The following CNTN6 variants were observed in gnomAD, a reference collection of about 807,000 sequenced individuals.
CNTN6 encodes contactin-6.
In CNTN6, 137 loss-of-function variants were observed where a neutral mutation model predicts 122.8. The ratio of observed to expected loss-of-function variants is 1.12; its 90% CI spans 0.97 to 1.29. The LOEUF is 1.29. CNTN6 is among the 50% of genes most tolerant of loss of function. The pLI is 0.00. For synonymous variants in CNTN6, 570 were observed against 426.0 expected, an observed-to-expected ratio of 1.34 and a Z score of -4.16; for missense variants, 1,634 against 1,223.4, an observed-to-expected ratio of 1.34 and a Z score of -5.01.
At chr3:1,153,321 G>C (rs936073081) in intron 2 of CNTN6, among the ~76,000 whole-genome samples, 1 of 152,172 alleles carries the variant, frequency 6.6e-6, no homozygotes, top group Non-Finnish European at 1.5e-5. Flanking sequence ...TATGCCAACA[G>C]GGCCTAATGA....
intron 10 of CNTN6, among the ~76,000 whole-genome samples, chr3:1,327,909 TAAAA>T (rs140171072): frequency 6.6e-6 from 1 of 151,702 alleles, no homozygotes; most frequent in African/African-American, 2.4e-5. Context: ...TAAAAAGTAA[TAAAA>T]AAATCACAAT....
At chr3:1,316,717 T>C (rs1700146273) in intron 7 of CNTN6, among the ~76,000 whole-genome samples, 4 of 150,468 alleles carry the variant, frequency 2.7e-5, no homozygotes, top group Non-Finnish European at 4.5e-5. Flanking sequence ...TAGTAAACCT[T>C]ATTGTAATTG....
At chr3:1,219,385 G>C (rs1357955543) in intron 2 of CNTN6, among the ~76,000 whole-genome samples, 1 of 152,202 alleles carries the variant, frequency 6.6e-6, no homozygotes, top group Non-Finnish European at 1.5e-5. Flanking sequence ...TCCAGTGAAG[G>C]AGGAGAGGAT....
chr3:1,282,764 C>T (rs1317332361), intron 5 of CNTN6, among the ~76,000 whole-genome samples: 1 of 152,128 alleles, frequency 6.6e-6, no homozygotes, highest in Non-Finnish European at 1.5e-5. Flanking sequence ...CACATCTTTC[C>T]AACAATCTCC....
At position 1,377,104 on chromosome 3, in the gene CNTN6, G is replaced by C. The variant is rs1353651848; in HGVS notation, c.2166+29G>C. ...ATTTTCTGTCCAACTGAGTTATTTTGAAGAAAAGAGATTTAACTGGCCAGA... is the reference window on the plus strand; with the variant it reads ...ATTTTCTGTCCAACTGAGTTATTTTCAAGAAAAGAGATTTAACTGGCCAGA... On this transcript the variant is annotated intron_variant, in intron 17 of 22. Transcript: ENST00000446702. The C allele has an allele frequency of 2.7e-6, 4 of 1,473,948 alleles. No individual in the cohort carries two copies. The African/African-American group carries it at 5.6e-5, about 21-fold the overall frequency. 91.3% of individuals were successfully genotyped at this position (1,473,948 alleles called of 1,614,324 possible).
chr3:1,097,422 C>A (rs1368823935), intron 1 of CNTN6, among the ~76,000 whole-genome samples: 1 of 152,090 alleles, frequency 6.6e-6, no homozygotes, highest in East Asian at 1.9e-4. Context: ...TATTTCAAAT[C>A]CTTAAAAGAG....
chr3:1,348,087 T>G (rs904460669), intron 11 of CNTN6, among the ~76,000 whole-genome samples: 1 of 144,844 alleles, frequency 6.9e-6, no homozygotes, highest in Non-Finnish European at 1.5e-5. Flanking sequence ...CTAAGCATTT[T>G]GAACGATTTA....
At position 1,212,517 on chromosome 3, in the gene CNTN6, ATG is replaced by A. The variant is rs555661502; in HGVS notation, c.56-8162_56-8161del. On this transcript the variant is annotated intron_variant, in intron 2 of 22. Coordinates refer to ENST00000446702, the MANE Select transcript of CNTN6 (RefSeq NM_001289080.2). Reference sequence around the variant, plus strand: ...TATACATGTGTGTATATATATACATATGTGTGTGTATATATATACACACACAC... The same window carrying A: ...TATACATGTGTGTATATATATACATATGTGTGTATATATATACACACACAC... Among the ~76,000 whole-genome samples the A allele has an allele frequency of 3.4e-3, 511 of 151,258 alleles. 4 individuals are homozygous for A. The highest frequency in any genetic ancestry group is 0.011 in the African/African-American group (445 of 41,254).
chr3:1,313,877 A>G (rs1699742284), intron 7 of CNTN6, among the ~76,000 whole-genome samples: 1 of 152,022 alleles, frequency 6.6e-6, no homozygotes, highest in African/African-American at 2.4e-5. Context: ...TGGTTCATCT[A>G]GCTGTGTCCT....
chr3:1,327,843 A>G (rs1045897280), intron 10 of CNTN6, among the ~76,000 whole-genome samples: 2 of 151,872 alleles, frequency 1.3e-5, no homozygotes, highest in Admixed American at 6.6e-5. Context: ...TGATTCTAGC[A>G]TGAATTTTTG....
chr3:1,234,880 T>C (rs1039634077), intron 4 of CNTN6, among the ~76,000 whole-genome samples: 17 of 152,180 alleles, frequency 1.1e-4, no homozygotes, highest in Non-Finnish European at 1.9e-4. Flanking sequence ...CCAATTGTTA[T>C]CATATCAAGG....
chr3:1,252,396 T>C (rs1173367331), intron 4 of CNTN6, among the ~76,000 whole-genome samples: 7 of 152,226 alleles, frequency 4.6e-5, no homozygotes, highest in African/African-American at 1.7e-4. Context: ...ATTTAGAAAA[T>C]AAGGAAAAGC....
intron 5 of CNTN6, among the ~76,000 whole-genome samples, chr3:1,281,567 GGATT>G (rs1693445742): frequency 6.6e-6 from 1 of 151,360 alleles, no homozygotes; most frequent in South Asian, 2.1e-4. Flanking sequence ...CAGATTCAAG[GGATT>G]CTCCTGCCTC....
chr3:1,324,937 G>T (rs575368496), intron 8 of CNTN6, among the ~76,000 whole-genome samples: 1 of 140,360 alleles, frequency 7.1e-6, no homozygotes, highest in Non-Finnish European at 1.5e-5. Flanking sequence ...TAAAGCATCT[G>T]GCTTGCCACA....
intron 5 of CNTN6, among the ~76,000 whole-genome samples, chr3:1,285,553 A>C (rs886832205): frequency 6.6e-6 from 1 of 152,220 alleles, no homozygotes; most frequent in South Asian, 2.1e-4. Context: ...CTTACTATGT[A>C]CTAGGCACTA....
chr3:1,401,441 C>G lies in CNTN6; in HGVS notation c.2713C>G (p.Gln905Glu). ...TGATTATCTCTTTAAAGCTCCAAGC[C>G]AACCACCAGCAAACATTGCCTGGAA... ...NVTTKKSPPSQPPANIAWKLT... is the reference protein window; with the variant it reads ...NVTTKKSPPSEPPANIAWKLT... Residue 905 changes from glutamine to glutamate, a missense_variant, in exon 21 of 23, where the codon CAA becomes GAA. Physicochemically the swap from Gln to Glu is conservative, Grantham distance 29 (BLOSUM62 2). Transcript: ENST00000446702. The G allele has an allele frequency of 2.5e-6, 4 of 1,611,490 alleles. No individual in the cohort carries two copies. Among genetic ancestry groups the G allele is most frequent in the East Asian group, 2.2e-5 (1 of 44,798 alleles).
intron 2 of CNTN6, among the ~76,000 whole-genome samples, chr3:1,210,891 G>A (rs2094027145): frequency 6.6e-6 from 1 of 152,134 alleles, no homozygotes. Flanking sequence ...TTTTTTATTT[G>A]CTTTTTAATG....
intron 17 of CNTN6, among the ~76,000 whole-genome samples, chr3:1,381,167 C>T (rs1418043538): frequency 6.6e-6 from 1 of 152,080 alleles, no homozygotes; most frequent in African/African-American, 2.4e-5. Flanking sequence ...GACTAAGCAT[C>T]GTGATTAAAT....
chr3:1,226,958 C>T (rs976541504), intron 3 of CNTN6, among the ~76,000 whole-genome samples: 4 of 152,002 alleles, frequency 2.6e-5, no homozygotes, highest in Non-Finnish European at 5.9e-5. Context: ...TAGATATATA[C>T]GATTCATGCT....
Sources: allele counts gnomAD v4.1 joint callset (sites outside exome capture counted in the v4.1 genomes callset), GRCh38; gene constraint gnomAD v4.1.1; transcripts MANE v1.5; gene names NCBI Gene and HGNC (gene_info 2026-07-23, HGNC 2026-07-21).